RNF130: variants seen among roughly 807,000 people sequenced by gnomAD.
RNF130 encodes the protein E3 ubiquitin-protein ligase RNF130.
Under a neutral mutation model 44.6 loss-of-function variants are expected in RNF130, and 21 were observed. The ratio of observed to expected loss-of-function variants is 0.47; its 90% CI spans 0.33 to 0.68. The LOEUF is 0.68. Ranked by LOEUF, RNF130 falls within the 30% of genes least tolerant of loss-of-function variation. The pLI, the probability that RNF130 is intolerant of heterozygous loss-of-function variation, is 0.02. For synonymous variants in RNF130, 214 were observed against 210.4 expected, an observed-to-expected ratio of 1.02 and a Z score of -0.15; for missense variants, 479 against 560.6, an observed-to-expected ratio of 0.85 and a Z score of 1.47.
At chr5:179,963,255 C>G (rs974344042) in intron 8 of RNF130, among the ~76,000 whole-genome samples, 4 of 152,254 alleles carry the variant, frequency 2.6e-5, no homozygotes, top group African/African-American at 9.6e-5. Flanking sequence ...GATCTTTTCT[C>G]AAACGGGCTG....
At position 179,978,189 on chromosome 5, in the gene RNF130, T is replaced by G. The variant is rs1222180184; in HGVS notation, c.848+14A>C. 1 of 1,596,902 alleles carries G rather than the reference T, an allele frequency of 6.3e-7. No homozygotes were observed. Among genetic ancestry groups the G allele is most frequent in the Non-Finnish European group, 8.6e-7 (1 of 1,164,262 alleles). The stretch of plus-strand genomic sequence containing the variant: ...TTAATATCATTCTTTCTCAAACAAA[T>G]GAAGTTGACATACTTGCAGGGGAGA... On this transcript the variant is annotated intron_variant, in intron 5 of 8. Transcript: ENST00000521389.
chr5:180,071,684 C>A lies in RNF130; in HGVS notation c.19G>T (p.Ala7Ser). ...AGCGCGGCGAGCCGGGCAGGGCCCG[C>A]CCGCCCCGCGCAGCTCATCGTCCCT... MSCAGR[A>S]GPARLAALAL... The change falls in exon 1 of 9, where the codon GCG (alanine) becomes TCG (serine). Residue 7 changes from alanine to serine, a missense_variant. Physicochemically the swap from Ala to Ser is moderately conservative, Grantham distance 99. Around this residue, in one of 3 missense-constraint regions of RNF130, gnomAD observed 138 missense variants for 126.9 expected, o/e 1.09. Coordinates refer to ENST00000521389, the MANE Select transcript of RNF130 (RefSeq NM_018434.6). The A allele has an allele frequency of 7.2e-7, 1 of 1,397,768 alleles. No homozygotes were observed. Among genetic ancestry groups the A allele is most frequent in the South Asian group, 1.5e-5 (1 of 66,558 alleles). 86.6% of individuals were successfully genotyped at this position (1,397,768 alleles called of 1,614,324 possible). A position where few individuals can be genotyped will look rare whatever the true frequency, so the allele number is the denominator to read the frequency against.
Position 179,924,504 on chromosome 5 carries a change from A to AT in RNF130, c.1151-4079_1151-4078insA, listed in dbSNP as rs1407445749. On this transcript the variant is annotated intron_variant, in intron 7 of 7. Transcript: ENST00000522208. ...AGCAAAACTCTGTCTGAAAAAAAAAAAAATAAATACAGGCTGGGCGCAGTG... is the reference window on the plus strand; with the variant it reads ...AGCAAAACTCTGTCTGAAAAAAAAAATAAATAAATACAGGCTGGGCGCAGTG... 5.8e-4 allele frequency among the ~76,000 whole-genome samples: 87 copies of AT among 151,032 alleles called. 1 individual carries two copies. The highest frequency in any genetic ancestry group is 2.0e-3 in the African/African-American group (81 of 40,866).
chr5:180,008,310 C>T (rs1179668721), intron 3 of RNF130, among the ~76,000 whole-genome samples: 1 of 152,154 alleles, frequency 6.6e-6, no homozygotes, highest in Non-Finnish European at 1.5e-5. Context: ...AGGGCAAAAT[C>T]ACAATCCTCC....
intron 1 of RNF130, among the ~76,000 whole-genome samples, chr5:180,044,681 A>C (rs1242949426): frequency 6.6e-6 from 1 of 152,048 alleles, no homozygotes; most frequent in Non-Finnish European, 1.5e-5. Flanking sequence ...AAAATACAAA[A>C]ATTAGCTGGG....
At chr5:179,982,217 T>C (rs923758957) in intron 3 of RNF130, among the ~76,000 whole-genome samples, 1 of 151,582 alleles carries the variant, frequency 6.6e-6, no homozygotes, top group Non-Finnish European at 1.5e-5. Flanking sequence ...CCTTGGTGCA[T>C]GTTTCAACAG....
chr5:179,912,159 G>C (rs1761476311), exon 8 of RNF130: 1 of 152,158 alleles, frequency 6.6e-6, no homozygotes, highest in Non-Finnish European at 1.5e-5. Context: ...ATAGTGAGCA[G>C]GAACCTAGAG....
At chr5:179,926,521 T>C (rs1761709545) in intron 7 of RNF130, among the ~76,000 whole-genome samples, 1 of 143,620 alleles carries the variant, frequency 7.0e-6, no homozygotes. Context: ...TGGTGGCGCA[T>C]GCCTGTAATC....
At chr5:179,922,204 C>T (rs1488984577) in intron 7 of RNF130, among the ~76,000 whole-genome samples, 3 of 149,416 alleles carry the variant, frequency 2.0e-5, no homozygotes, top group East Asian at 1.9e-4. Flanking sequence ...TGACTAGTGA[C>T]GTTGAGCATC....
chr5:180,003,535 G>A (rs1012201026), intron 3 of RNF130, among the ~76,000 whole-genome samples: 2 of 152,162 alleles, frequency 1.3e-5, no homozygotes, highest in East Asian at 1.9e-4. Flanking sequence ...CTTGGCTTCA[G>A]TATTACTACC....
chr5:179,921,795 G>C (rs1761634829), intron 7 of RNF130, among the ~76,000 whole-genome samples: 1 of 149,028 alleles, frequency 6.7e-6, no homozygotes, highest in Non-Finnish European at 1.5e-5. Flanking sequence ...AGGCGAGGTG[G>C]GTGGATCACG....
chr5:180,060,023 TGACA>T (rs1197305167), intron 1 of RNF130, among the ~76,000 whole-genome samples: 1 of 152,036 alleles, frequency 6.6e-6, no homozygotes, highest in African/African-American at 2.4e-5. Flanking sequence ...TAAATGTGGG[TGACA>T]GACGGAGAAA....
At chr5:180,026,745 A>T (rs1317756937) in intron 2 of RNF130, among the ~76,000 whole-genome samples, 1 of 152,266 alleles carries the variant, frequency 6.6e-6, no homozygotes, top group East Asian at 1.9e-4. Flanking sequence ...TTAAATGAAA[A>T]GAAAGCTTAA....
chr5:179,978,324 C>A, intron 4 of RNF130, 39 bp from the exon 5 acceptor site: 1 of 1,363,324 alleles, frequency 7.3e-7, no homozygotes, highest in Admixed American at 1.7e-5. Context: ...TCACACGCTG[C>A]AAGTATATAA....
rs537187041 is a variant in RNF130, at chr5:180,041,567, T to C, written c.248-920A>G. On this transcript the variant is annotated intron_variant, in intron 1 of 8. Transcript: ENST00000521389. Reference sequence around the variant, plus strand: ...CCGGCTGCTCTTCCCACTCCCACTTTCACATTTATAACAGGTTCAAATGAG... The same window carrying C: ...CCGGCTGCTCTTCCCACTCCCACTTCCACATTTATAACAGGTTCAAATGAG... Among the ~76,000 whole-genome samples the C allele has an allele frequency of 8.5e-4, 130 of 152,310 alleles. No homozygotes were observed. In the Middle Eastern group the frequency reaches 0.014, roughly 16 times the overall value.
chr5:180,033,696 T>TA (rs34698128), intron 2 of RNF130, among the ~76,000 whole-genome samples: 9 of 148,980 alleles, frequency 6.0e-5, no homozygotes, highest in East Asian at 2.0e-4. Context: ...ACTCTGCCTT[T>TA]AAAAAAAAAA....
At chr5:179,984,462 T>C (rs1762909686) in intron 3 of RNF130, among the ~76,000 whole-genome samples, 1 of 152,186 alleles carries the variant, frequency 6.6e-6, no homozygotes, top group Non-Finnish European at 1.5e-5. Context: ...AAATCAGGAA[T>C]CGATGTTGGA....
At chr5:179,962,373 C>A (rs1762352007) in intron 8 of RNF130, among the ~76,000 whole-genome samples, 1 of 152,292 alleles carries the variant, frequency 6.6e-6, no homozygotes, top group South Asian at 2.1e-4. Context: ...ATGTCAATTA[C>A]AGTTTCTATA....
At chr5:179,914,878 A>T (rs778597983) in exon 8 of RNF130, 13 of 152,116 alleles carry the variant, frequency 8.5e-5, no homozygotes, top group Admixed American at 6.5e-4. Context: ...AAAAATTTTT[A>T]AAAATTACCT....
Sources: allele counts gnomAD v4.1 joint callset (sites outside exome capture counted in the v4.1 genomes callset), GRCh38; gene constraint gnomAD v4.1.1; regional missense constraint gnomAD v4.1.1; transcripts MANE v1.5; gene names NCBI Gene and HGNC (gene_info 2026-07-23, HGNC 2026-07-21).